PPP1R14C: variants seen among roughly 807,000 people sequenced by gnomAD.
PPP1R14C encodes the protein protein phosphatase 1 regulatory subunit 14C.
Under a neutral mutation model 20.4 loss-of-function variants are expected in PPP1R14C, and 16 were observed. The ratio of observed to expected loss-of-function variants is 0.78; its 90% CI spans 0.53 to 1.19. The LOEUF (loss-of-function observed/expected upper bound fraction) is 1.19, where lower values mean the gene tolerates loss of function less well. PPP1R14C is among the 50% of genes most tolerant of loss of function. The pLI is 0.00. For missense variants in PPP1R14C, 211 were observed against 220.1 expected (o/e 0.96, Z 0.26); for synonymous variants, 91 against 91.0 (o/e 1.00, Z 0.00).
chr6:150,143,101 C>T lies in PPP1R14C; in HGVS notation c.-92C>T. ...AGAGCAGGTGCCGGGGAGCCCTTCGCATGCGGCTGCCGGGCCGGAGGTGGT... is the reference window on the plus strand; with the variant it reads ...AGAGCAGGTGCCGGGGAGCCCTTCGTATGCGGCTGCCGGGCCGGAGGTGGT... On this transcript the variant is annotated 5_prime_UTR_variant, in exon 1 of 4. Coordinates refer to ENST00000361131, the MANE Select transcript of PPP1R14C (RefSeq NM_030949.3). The surrounding 1 kb of genome is among the most constrained non-coding windows in gnomAD (Gnocchi z 5.6). 8.7e-7 allele frequency: 1 copy of T among 1,145,990 alleles called. No individual in the cohort carries two copies. The highest frequency in any genetic ancestry group is 1.6e-5 in the African/African-American group (1 of 61,018). The allele number at this position is 1,145,990 out of a possible 1,614,324, so 71.0% of individuals were successfully genotyped here.
chr6:150,168,281 A>C (rs976847157), intron 1 of PPP1R14C, among the ~76,000 whole-genome samples: 7 of 150,040 alleles, frequency 4.7e-5, no homozygotes, highest in Non-Finnish European at 8.9e-5. Context: ...TCACGCCTGT[A>C]ATCCCAGCAC....
At chr6:150,242,835 G>A (rs1027236461) in intron 3 of PPP1R14C, among the ~76,000 whole-genome samples, 1 of 152,124 alleles carries the variant, frequency 6.6e-6, no homozygotes, top group African/African-American at 2.4e-5. Flanking sequence ...GAACTAATAT[G>A]AGTTCAGCAA....
chr6:150,177,392 T>C (rs1777574486), intron 1 of PPP1R14C, among the ~76,000 whole-genome samples: 1 of 152,202 alleles, frequency 6.6e-6, no homozygotes, highest in Non-Finnish European at 1.5e-5. Flanking sequence ...GAAACTATCT[T>C]GGTAGATAAG....
chr6:150,236,933 TAG>T (rs1339142327), intron 3 of PPP1R14C, among the ~76,000 whole-genome samples: 2 of 152,078 alleles, frequency 1.3e-5, no homozygotes, highest in Non-Finnish European at 2.9e-5. Flanking sequence ...TCTCAGCGGT[TAG>T]AGTCTCTGTT....
At chr6:150,202,129 C>A (rs1038016524) in intron 1 of PPP1R14C, among the ~76,000 whole-genome samples, 2 of 152,172 alleles carry the variant, frequency 1.3e-5, no homozygotes, top group African/African-American at 4.8e-5. Flanking sequence ...GTGAGCTCCT[C>A]TCTCGCCTCT....
In PPP1R14C at chr6:150,219,034, C is replaced by G. The variant is rs186226625; in HGVS notation, c.423+2178C>G. On this transcript the variant is annotated intron_variant, in intron 3 of 3. Transcript: ENST00000361131. ...TAGGAGAAAGATGATCACTCTCTCT[C>G]TCTCCACACAATTCCTTTTCATCTA... Among the ~76,000 whole-genome samples, 686 of 152,040 alleles carry G rather than the reference C, an allele frequency of 4.5e-3. 3 individuals are homozygous for G. Among genetic ancestry groups the G allele is most frequent in the African/African-American group, 0.015 (633 of 41,452 alleles).
At chr6:150,229,007 G>A (rs1778262074) in intron 3 of PPP1R14C, among the ~76,000 whole-genome samples, 1 of 152,118 alleles carries the variant, frequency 6.6e-6, no homozygotes. Flanking sequence ...GATTGACTGT[G>A]ATTTTATGGC....
chr6:150,174,793 T>A (rs1777543084), intron 1 of PPP1R14C, among the ~76,000 whole-genome samples: 1 of 151,284 alleles, frequency 6.6e-6, no homozygotes, highest in Non-Finnish European at 1.5e-5. Flanking sequence ...TGAAACGCCA[T>A]CTCTACTGAA....
chr6:150,240,522 C>T (rs879267530), intron 3 of PPP1R14C, among the ~76,000 whole-genome samples: 6 of 152,164 alleles, frequency 3.9e-5, no homozygotes, highest in Non-Finnish European at 7.3e-5. Context: ...AAGTAGTGGC[C>T]TGCAACCAGT....
chr6:150,194,830 G>C, intron 1 of PPP1R14C: 1 of 985,322 alleles, frequency 1.0e-6, no homozygotes, highest in Non-Finnish European at 1.2e-6. Context: ...GTGAGTACCG[G>C]GGAAGTCTAC....
At chr6:150,209,348 T>A (rs1296738392) in intron 1 of PPP1R14C, among the ~76,000 whole-genome samples, 2 of 152,242 alleles carry the variant, frequency 1.3e-5, no homozygotes, top group African/African-American at 2.4e-5. Context: ...TTATATTTTT[T>A]AAAAGCTAAT....
intron 1 of PPP1R14C, among the ~76,000 whole-genome samples, chr6:150,192,790 A>G (rs1777761620): frequency 6.6e-6 from 1 of 152,110 alleles, no homozygotes; most frequent in Non-Finnish European, 1.5e-5. Context: ...CGAAGACTGG[A>G]CTGGGCTGGT....
At chr6:150,245,817 G>C (rs1778483646) in intron 3 of PPP1R14C, among the ~76,000 whole-genome samples, 1 of 152,180 alleles carries the variant, frequency 6.6e-6, no homozygotes, top group Non-Finnish European at 1.5e-5. Flanking sequence ...CTGTGCAAGT[G>C]ATACTGCCAA....
At chr6:150,229,668 G>A (rs1262569596) in intron 3 of PPP1R14C, among the ~76,000 whole-genome samples, 1 of 152,172 alleles carries the variant, frequency 6.6e-6, no homozygotes, top group African/African-American at 2.4e-5. Context: ...CATCGTGTCA[G>A]TGGTTTTAAG....
rs570467608 is a variant in PPP1R14C at position 150,203,311 on chromosome 6, G to A, written c.307-11433G>A. On this transcript the variant is annotated intron_variant, in intron 1 of 3. Transcript: ENST00000361131. The stretch of plus-strand genomic sequence containing the variant: ...GAACGTCCTGTAGTTGGAATCATGC[G>A]TATGGCAACTTTCCATTTTGGCTTC... 1.2e-4 allele frequency among the ~76,000 whole-genome samples: 19 copies of A among 152,298 alleles called. No homozygotes were observed. In the East Asian group the frequency reaches 1.4e-3, roughly 11 times the overall value.
At chr6:150,177,272 T>C (rs2114875356) in intron 1 of PPP1R14C, among the ~76,000 whole-genome samples, 1 of 152,326 alleles carries the variant, frequency 6.6e-6, no homozygotes, top group African/African-American at 2.4e-5. Flanking sequence ...CTGTTGTTTC[T>C]GTGAAAGGAT....
chr6:150,221,676 A>T (rs1019028901), intron 3 of PPP1R14C, among the ~76,000 whole-genome samples: 1 of 152,222 alleles, frequency 6.6e-6, no homozygotes, highest in Non-Finnish European at 1.5e-5. Flanking sequence ...TAACTGTGTG[A>T]CTTCAAGCAA....
intron 3 of PPP1R14C, among the ~76,000 whole-genome samples, chr6:150,237,574 C>T (rs1040661): frequency 0.49 from 73,768 of 151,932 alleles, 19,575 homozygotes; most frequent in African/African-American, 0.71. Flanking sequence ...ATGATGATAA[C>T]GATGATGACA....
chr6:150,222,085 C>G (rs770601364), intron 3 of PPP1R14C, among the ~76,000 whole-genome samples: 130 of 148,858 alleles, frequency 8.7e-4, no homozygotes, highest in Non-Finnish European at 8.4e-4. Flanking sequence ...AGGTATGAGC[C>G]GCCAAGCCTG....
Sources: allele counts gnomAD v4.1 joint callset (sites outside exome capture counted in the v4.1 genomes callset), GRCh38; gene constraint gnomAD v4.1.1; non-coding constraint Gnocchi (gnomAD v3.1); transcripts MANE v1.5; gene names NCBI Gene and HGNC (gene_info 2026-07-23, HGNC 2026-07-21).